The following COL11A1 variants were observed in gnomAD, a reference collection of about 807,000 sequenced individuals.
COL11A1 encodes the protein collagen alpha-1(XI) chain.
COL11A1 carries 74 observed loss-of-function variants against 265.2 expected under a neutral mutation model. The ratio of observed to expected loss-of-function variants is 0.28; its 90% CI spans 0.23 to 0.34. The LOEUF is 0.34. COL11A1 is among the 10% of genes least tolerant of loss of function. The pLI is 1.00. For missense variants in COL11A1, 2,165 were observed against 2,263.6 expected, an observed-to-expected ratio of 0.96 and a Z score of 0.88; for synonymous variants, 816 against 727.6, an observed-to-expected ratio of 1.12 and a Z score of -1.96.
intron 4 of COL11A1, among the ~76,000 whole-genome samples, chr1:103,067,053 A>G (rs1389704734): frequency 1.8e-4 from 27 of 151,948 alleles, no homozygotes; most frequent in Admixed American, 1.8e-3. Context: ...GAAAAGGAAG[A>G]TACCCAATTA....
chr1:103,053,852 A>G (rs1670023079), intron 4 of COL11A1, among the ~76,000 whole-genome samples: 1 of 152,254 alleles, frequency 6.6e-6, no homozygotes, highest in Admixed American at 6.5e-5. Flanking sequence ...CTGCTAAAAG[A>G]TACTATCATG....
intron 42 of COL11A1, among the ~76,000 whole-genome samples, chr1:102,944,972 T>A (rs1038337655): frequency 2.2e-4 from 34 of 152,298 alleles, no homozygotes; most frequent in African/African-American, 8.2e-4. Flanking sequence ...GCTTTTTCTG[T>A]CACCTAAAAG....
At chr1:103,064,700 G>A (rs55724933) in intron 4 of COL11A1, among the ~76,000 whole-genome samples, 2,777 of 122,396 alleles carry the variant, frequency 0.023, no homozygotes, top group Middle Eastern at 0.043. Context: ...AAAAAAAAAA[G>A]AAAAAAAAAA....
intron 46 of COL11A1, among the ~76,000 whole-genome samples, chr1:102,929,287 T>A (rs560292626): frequency 6.9e-4 from 105 of 152,018 alleles, no homozygotes; most frequent in Middle Eastern, 6.8e-3. Context: ...AAGGAAGGGA[T>A]CCATTTTCAG....
intron 14 of COL11A1, 98 bp downstream of exon 14, chr1:103,012,315 T>A (rs963504313): frequency 1.1e-6 from 1 of 872,230 alleles, no homozygotes; most frequent in African/African-American, 1.7e-5. Flanking sequence ...TACCCTATTG[T>A]CACCAACCAT....
chr1:103,017,841 G>C lies in COL11A1; in HGVS notation c.1392C>G (p.Pro464=). 6.2e-7 allele frequency: 1 copy of C among 1,613,082 alleles called. No individual in the cohort carries two copies. The highest frequency in any genetic ancestry group is 8.5e-7 in the Non-Finnish European group (1 of 1,179,274). Residue 464 remains proline, a synonymous_variant, in exon 11 of 67, where the codon CCC becomes CCG. Coordinates refer to ENST00000370096, the MANE Select transcript of COL11A1 (RefSeq NM_001854.4). ...TTACCCTATCGCCAGGGTCACCAGG[G>C]GGTCCAGTGGGGCCTTGTAGACCTG... is the stretch of plus-strand genomic sequence containing the variant. The part of the protein sequence containing the change: ...GPPGLQGPTG[P]PGDPGDRGPP...
At chr1:102,934,621 A>C (rs1313105814) in intron 45 of COL11A1, 65 bp from the exon 46 acceptor site, 1 of 1,282,514 alleles carries the variant, frequency 7.8e-7, no homozygotes, top group African/African-American at 1.5e-5. Flanking sequence ...GTCATTAAAA[A>C]ATGTGGCCAT....
intron 1 of COL11A1, among the ~76,000 whole-genome samples, chr1:103,095,923 A>T (rs959363014): frequency 6.6e-6 from 1 of 152,082 alleles, no homozygotes; most frequent in Non-Finnish European, 1.5e-5. Flanking sequence ...GATTGACTGC[A>T]TGGACAAAAC....
chr1:102,937,051 G>A (rs1658220284), intron 44 of COL11A1, among the ~76,000 whole-genome samples: 1 of 151,996 alleles, frequency 6.6e-6, no homozygotes, highest in Non-Finnish European at 1.5e-5. Context: ...GTACTCTTGG[G>A]ACTATATATT....
intron 35 of COL11A1, among the ~76,000 whole-genome samples, chr1:102,977,656 T>G (rs1662629875): frequency 6.6e-6 from 1 of 152,148 alleles, no homozygotes; most frequent in African/African-American, 2.4e-5. Flanking sequence ...GCCTTTTTAA[T>G]TAATTTAAAT....
At chr1:102,912,032 GT>G (rs1300496175) in intron 54 of COL11A1, 126 bp downstream of exon 54, 3 of 781,082 alleles carry the variant, frequency 3.8e-6, no homozygotes, top group Non-Finnish European at 6.2e-6. Flanking sequence ...TTTAAAAATT[GT>G]TTTTAGGATT....
chr1:102,916,026 TAA>T (rs919266674), intron 49 of COL11A1, among the ~76,000 whole-genome samples: 2 of 152,182 alleles, frequency 1.3e-5, no homozygotes, highest in African/African-American at 2.4e-5. Flanking sequence ...CATATTACAA[TAA>T]AGTTTATTGA....
At chr1:103,094,792 A>G (rs891908197) in intron 1 of COL11A1, among the ~76,000 whole-genome samples, 1 of 152,122 alleles carries the variant, frequency 6.6e-6, no homozygotes, top group Non-Finnish European at 1.5e-5. Flanking sequence ...TATTTTGTCA[A>G]TAAGGCTTCC....
intron 41 of COL11A1, among the ~76,000 whole-genome samples, chr1:102,951,263 T>A (rs1286326860): frequency 6.6e-6 from 1 of 152,218 alleles, no homozygotes; most frequent in East Asian, 1.9e-4. Context: ...ATGCAGCACT[T>A]GGCACTACAT....
At chr1:102,910,891 T>C (rs977074768) in intron 54 of COL11A1, among the ~76,000 whole-genome samples, 1 of 152,050 alleles carries the variant, frequency 6.6e-6, no homozygotes, top group Non-Finnish European at 1.5e-5. Context: ...ATAAAAAAAA[T>C]GATTTCCTGT....
At chr1:103,045,169 T>A (rs1259043009) in intron 4 of COL11A1, among the ~76,000 whole-genome samples, 1 of 152,100 alleles carries the variant, frequency 6.6e-6, no homozygotes, top group Non-Finnish European at 1.5e-5. Context: ...GAGACACTGA[T>A]AAACTCTAAC....
intron 57 of COL11A1, among the ~76,000 whole-genome samples, chr1:102,897,136 G>T (rs562962312): frequency 7.2e-5 from 11 of 151,752 alleles, no homozygotes; most frequent in African/African-American, 2.7e-4. Context: ...TGAAATATTT[G>T]GTAGGTATGC....
At position 102,962,188 on chromosome 1, in the gene COL11A1, A is replaced by G; in HGVS notation, c.3102T>C (p.Leu1034=). Reference sequence around the variant, plus strand: ...ATATTGATTATACCTGAGCTCCAGGAAGACCTCTTTCCCCTGGGAAACCAC... The same window carrying G: ...ATATTGATTATACCTGAGCTCCAGGGAGACCTCTTTCCCCTGGGAAACCAC... ...GLRGFPGERG[L]PGAQGAPGLK... The change falls in exon 40 of 67, where the codon CTT becomes CTC. Residue 1034 remains leucine (L), a synonymous_variant. Coordinates refer to ENST00000370096, the MANE Select transcript of COL11A1 (RefSeq NM_001854.4). 6.2e-7 allele frequency: 1 copy of G among 1,612,354 alleles called. No homozygotes were observed. The highest frequency in any genetic ancestry group is 8.5e-7 in the Non-Finnish European group (1 of 1,178,462).
At chr1:103,007,978 C>T (rs968602501) in intron 15 of COL11A1, among the ~76,000 whole-genome samples, 1 of 151,128 alleles carries the variant, frequency 6.6e-6, no homozygotes, top group East Asian at 1.9e-4. Flanking sequence ...AATAACAGTA[C>T]AAATTTTTTT....
Sources: gnomAD v4.1 joint callset for allele counts (sites outside exome capture counted in the v4.1 genomes callset) on GRCh38, gnomAD v4.1.1 for gene constraint, MANE v1.5 for transcripts, NCBI Gene and HGNC (gene_info 2026-07-23, HGNC 2026-07-21) for gene names.